The following CSMD1 variants were observed in gnomAD, a reference collection of about 807,000 sequenced individuals.
CSMD1 encodes the protein CUB and sushi domain-containing protein 1.
A neutral mutation model predicts 417.5 loss-of-function variants in CSMD1; 213 were observed. That is an observed-to-expected ratio of 0.51 (90% CI 0.46 to 0.57). CSMD1 has a LOEUF of 0.57. CSMD1 is among the 20% of genes least tolerant of loss of function. The pLI, the probability that CSMD1 is intolerant of heterozygous loss-of-function variation, is 0.00. For missense variants in CSMD1, 6,923 were observed against 4,529.7 expected, an observed-to-expected ratio of 1.53 and a Z score of -15.17; for synonymous variants, 2,862 against 1,736.8, an observed-to-expected ratio of 1.65 and a Z score of -16.11.
At chr8:3,702,751 G>A (rs1328078356) in intron 7 of CSMD1, among the ~76,000 whole-genome samples, 2 of 152,220 alleles carry the variant, frequency 1.3e-5, no homozygotes, top group Admixed American at 6.5e-5. Flanking sequence ...AGAATCGCTG[G>A]AACCTGGGAG....
At chr8:4,762,784 T>G (rs912892448) in intron 1 of CSMD1, among the ~76,000 whole-genome samples, 4 of 152,288 alleles carry the variant, frequency 2.6e-5, no homozygotes, top group Non-Finnish European at 5.9e-5. Flanking sequence ...CTCTTTGAAA[T>G]GAGGCCAAAA....
At chr8:3,190,637 A>G (rs1442895416) in intron 33 of CSMD1, among the ~76,000 whole-genome samples, 1 of 152,188 alleles carries the variant, frequency 6.6e-6, no homozygotes, top group Admixed American at 6.5e-5. Context: ...ACTCGTGTAT[A>G]CTTATCTAAA....
At chr8:4,977,437 G>A (rs141592923) in intron 1 of CSMD1, among the ~76,000 whole-genome samples, 1 of 152,290 alleles carries the variant, frequency 6.6e-6, no homozygotes, top group Non-Finnish European at 1.5e-5. Context: ...AGGGGTGGGT[G>A]CATGTCCACG....
intron 3 of CSMD1, among the ~76,000 whole-genome samples, chr8:4,161,905 C>T (rs1410490147): frequency 6.6e-6 from 1 of 152,116 alleles, no homozygotes; most frequent in African/African-American, 2.4e-5. Flanking sequence ...GTCAAGACTT[C>T]ATCAGTTCAT....
chr8:3,966,162 G>A (rs895194144), intron 5 of CSMD1, among the ~76,000 whole-genome samples: 6 of 152,092 alleles, frequency 3.9e-5, no homozygotes, highest in East Asian at 1.9e-4. Context: ...TTAATAGGAC[G>A]GCAAAGGAGA....
At chr8:4,835,408 T>G (rs929105444) in intron 1 of CSMD1, among the ~76,000 whole-genome samples, 1 of 152,134 alleles carries the variant, frequency 6.6e-6, no homozygotes. Flanking sequence ...ATTTCACCAT[T>G]AGCAAACATT....
chr8:3,535,479 G>C (rs142822315), intron 10 of CSMD1, among the ~76,000 whole-genome samples: 1 of 152,134 alleles, frequency 6.6e-6, no homozygotes. Context: ...TCACTTATAA[G>C]TGGGAGCTAA....
At position 3,029,373 on chromosome 8, in the gene CSMD1, G is replaced by A. The variant is rs371779170; in HGVS notation, c.7801C>T (p.Arg2601Trp). 12 of 1,610,984 alleles carry A rather than the reference G, an allele frequency of 7.4e-6. No homozygotes were observed. Among genetic ancestry groups the A allele is most frequent in the South Asian group, 3.3e-5 (3 of 90,706 alleles). ...TTCCACGTCCCATTGGCCTGGCACCGCAGGAGCCTCCAGCCTTCTAAGTAG... is the reference window on the plus strand; with the variant it reads ...TTCCACGTCCCATTGGCCTGGCACCACAGGAGCCTCCAGCCTTCTAAGTAG... Reference protein sequence around the residue: ...GYYLEGWRLLRCQANGTWNIG... With the variant: ...GYYLEGWRLLWCQANGTWNIG... Residue 2601 changes from arginine to tryptophan, a missense_variant, in exon 51 of 70, where the codon CGG (arginine) becomes TGG (tryptophan). Coordinates refer to ENST00000635120, the MANE Select transcript of CSMD1 (RefSeq NM_033225.6).
intron 4 of CSMD1, among the ~76,000 whole-genome samples, chr8:4,027,853 AAATT>A (rs1435615575): frequency 5.9e-5 from 9 of 152,232 alleles, no homozygotes; most frequent in African/African-American, 2.2e-4. Context: ...GATCTATTAA[AAATT>A]AAATAAATAA....
At chr8:4,429,374 C>T (rs769933394) in intron 2 of CSMD1, among the ~76,000 whole-genome samples, 1 of 152,080 alleles carries the variant, frequency 6.6e-6, no homozygotes, top group African/African-American at 2.4e-5. Context: ...TTTACACACA[C>T]ACATCTACAT....
chr8:4,479,208 G>A (rs1800958558), intron 2 of CSMD1, among the ~76,000 whole-genome samples: 2 of 152,250 alleles, frequency 1.3e-5, no homozygotes, highest in East Asian at 3.9e-4. Context: ...TCAGAGCCCT[G>A]AGAAGATACC....
At chr8:3,293,848 C>A (rs1050678285) in intron 25 of CSMD1, among the ~76,000 whole-genome samples, 2 of 152,198 alleles carry the variant, frequency 1.3e-5, no homozygotes, top group African/African-American at 2.4e-5. Context: ...ATTCTCCATC[C>A]AGCTTTGTTC....
Position 3,387,534 on chromosome 8 carries a change from C to T in CSMD1, c.2742G>A (p.Glu914=), listed in dbSNP as rs754369864. The change falls in exon 18 of 70, where the codon GAG becomes GAA. Residue 914 remains glutamate (E), a synonymous_variant. Transcript: ENST00000635120. ...TLSDDEPLVC[E]RNHQWNHALP... ...AGGCGTGGTTCCACTGGTGGTTCCT[C>T]TCACAGACGAGGGGCTCGTCGTCAC... The T allele has an allele frequency of 6.2e-7, 1 of 1,602,452 alleles. No homozygotes were observed. The highest frequency in any genetic ancestry group is 8.5e-7 in the Non-Finnish European group (1 of 1,174,554).
intron 11 of CSMD1, among the ~76,000 whole-genome samples, chr8:3,482,487 G>A (rs1178769843): frequency 6.6e-6 from 1 of 152,194 alleles, no homozygotes; most frequent in Non-Finnish European, 1.5e-5. Flanking sequence ...TCCTAAATGT[G>A]TACAAACCAA....
intron 6 of CSMD1, among the ~76,000 whole-genome samples, chr8:3,726,515 C>T (rs1048510946): frequency 3.3e-5 from 5 of 152,120 alleles, no homozygotes; most frequent in African/African-American, 7.2e-5. Context: ...ACTCTGAACA[C>T]CTTTATTCTC....
intron 7 of CSMD1, among the ~76,000 whole-genome samples, chr8:3,683,698 G>T (rs7844132): frequency 2.7e-3 from 404 of 152,170 alleles, no homozygotes; most frequent in Middle Eastern, 0.02. Context: ...ACACTAGACA[G>T]AAAGAGGCTC....
At chr8:3,862,321 C>A (rs1026946808) in intron 5 of CSMD1, among the ~76,000 whole-genome samples, 1 of 152,198 alleles carries the variant, frequency 6.6e-6, no homozygotes, top group Admixed American at 6.5e-5. Flanking sequence ...GTCATCTGCC[C>A]AAGGGCGTCC....
intron 1 of CSMD1, among the ~76,000 whole-genome samples, chr8:4,694,187 C>G (rs1011970217): frequency 1.3e-5 from 2 of 152,132 alleles, no homozygotes; most frequent in Admixed American, 6.5e-5. Context: ...CTTCTGCTCT[C>G]TGAAATAAAT....
chr8:4,197,521 C>A (rs977344173), intron 3 of CSMD1, among the ~76,000 whole-genome samples: 6 of 152,134 alleles, frequency 3.9e-5, no homozygotes, highest in African/African-American at 1.4e-4. Context: ...GACAGAGTTC[C>A]CTTGCCTGAT....
Sources: allele counts gnomAD v4.1 joint callset (sites outside exome capture counted in the v4.1 genomes callset), GRCh38; gene constraint gnomAD v4.1.1; transcripts MANE v1.5; gene names NCBI Gene and HGNC (gene_info 2026-07-23, HGNC 2026-07-21).